CREB5: variants seen among roughly 807,000 people sequenced by gnomAD.
CREB5 encodes cyclic AMP-responsive element-binding protein 5.
Under a neutral mutation model 57.1 loss-of-function variants are expected in CREB5, and 19 were observed. That is an observed-to-expected ratio of 0.33 (90% CI 0.23 to 0.49). The LOEUF (loss-of-function observed/expected upper bound fraction) is 0.49. Among genes scored for constraint, CREB5 ranks in the 20% least tolerant of loss-of-function variants. The pLI is 0.99. For missense variants in CREB5, 579 were observed against 671.6 expected (o/e 0.86, Z 1.52); for synonymous variants, 238 against 238.3 (o/e 1.00, Z 0.01).
At position 28,590,268 on chromosome 7, in the gene CREB5, G is replaced by C. The variant is rs542369101; in HGVS notation, c.464+19731G>C. 1.9e-4 allele frequency among the ~76,000 whole-genome samples: 29 copies of C among 152,062 alleles called. 1 individual carries two copies. In the South Asian group the frequency reaches 2.1e-3, roughly 11 times the overall value. The stretch of plus-strand genomic sequence containing the variant: ...GCACTATTCACAACAGCAAAGACTT[G>C]GAACCAACCCAAATGTCCAACAATC... On this transcript the variant is annotated intron_variant, in intron 5 of 10. Coordinates refer to ENST00000357727, the MANE Select transcript of CREB5 (RefSeq NM_182898.4).
intron 1 of CREB5, among the ~76,000 whole-genome samples, chr7:28,477,106 T>C (rs1415937645): frequency 1.3e-5 from 2 of 152,234 alleles, no homozygotes; most frequent in Non-Finnish European, 2.9e-5. Context: ...CCTTGGTTTC[T>C]GATTCTGCCC....
chr7:28,731,215 GC>G (rs1803609399), intron 7 of CREB5, among the ~76,000 whole-genome samples: 1 of 152,118 alleles, frequency 6.6e-6, no homozygotes, highest in Non-Finnish European at 1.5e-5. Context: ...TTGCCACTTT[GC>G]CCATTTAAAC....
At chr7:28,550,149 C>T (rs1246671663) in intron 4 of CREB5, among the ~76,000 whole-genome samples, 1 of 152,006 alleles carries the variant, frequency 6.6e-6, no homozygotes, top group Non-Finnish European at 1.5e-5. Flanking sequence ...CTCTCTTCCT[C>T]CTCCTCTTCT....
intron 7 of CREB5, among the ~76,000 whole-genome samples, chr7:28,785,842 G>A (rs1211250267): frequency 1.3e-5 from 2 of 152,156 alleles, no homozygotes; most frequent in African/African-American, 4.8e-5. Flanking sequence ...AACTGTAAAT[G>A]CCTGCCCTGA....
At chr7:28,635,822 G>T (rs930576374) in intron 5 of CREB5, among the ~76,000 whole-genome samples, 6 of 152,134 alleles carry the variant, frequency 3.9e-5, no homozygotes, top group African/African-American at 7.2e-5. Context: ...ATTGGCATAT[G>T]CCAGTTGATA....
intron 1 of CREB5, among the ~76,000 whole-genome samples, chr7:28,317,942 G>T (rs1785412914): frequency 6.6e-6 from 1 of 152,162 alleles, no homozygotes; most frequent in African/African-American, 2.4e-5. Context: ...AGCAGAGAAA[G>T]ATGGCTCTTG....
intron 1 of CREB5, among the ~76,000 whole-genome samples, chr7:28,312,485 A>C (rs970375712): frequency 6.6e-6 from 1 of 152,150 alleles, no homozygotes; most frequent in Non-Finnish European, 1.5e-5. Context: ...GACCATGGAC[A>C]TGCAGAAAGT....
At chr7:28,474,140 G>A (rs1790954925) in intron 1 of CREB5, among the ~76,000 whole-genome samples, 1 of 152,184 alleles carries the variant, frequency 6.6e-6, no homozygotes, top group African/African-American at 2.4e-5. Flanking sequence ...GTGGAGAGGG[G>A]AAGTTTTCTC....
intron 3 of CREB5, among the ~76,000 whole-genome samples, chr7:28,497,113 TG>T (rs571410036): frequency 1.3e-4 from 20 of 151,834 alleles, no homozygotes; most frequent in African/African-American, 4.6e-4. Context: ...GGTAAAGGAG[TG>T]GGAGGTGAGT....
intron 4 of CREB5, among the ~76,000 whole-genome samples, chr7:28,560,955 T>TGTGCGC (rs1795212076): frequency 2.7e-4 from 6 of 22,148 alleles, no homozygotes; most frequent in Non-Finnish European, 3.6e-4. Context: ...TGTGTGCGTG[T>TGTGCGC]GTGTGCGTGT....
chr7:28,655,348 C>G (rs957873552), intron 5 of CREB5, among the ~76,000 whole-genome samples: 1 of 152,144 alleles, frequency 6.6e-6, no homozygotes, highest in Non-Finnish European at 1.5e-5. Flanking sequence ...GGCTCATGCC[C>G]ATAATCCTAG....
chr7:28,758,251 G>T (rs2128767905), intron 7 of CREB5, among the ~76,000 whole-genome samples: 1 of 152,288 alleles, frequency 6.6e-6, no homozygotes, highest in African/African-American at 2.4e-5. Context: ...GTCCTTTCCT[G>T]CCTCTCAGGA....
At chr7:28,673,783 C>T (rs1361665287) in intron 5 of CREB5, among the ~76,000 whole-genome samples, 1 of 150,976 alleles carries the variant, frequency 6.6e-6, no homozygotes, top group African/African-American at 2.4e-5. Context: ...AAGTGATCCT[C>T]CCTACTCAGC....
intron 7 of CREB5, among the ~76,000 whole-genome samples, chr7:28,746,307 G>T (rs571354079): frequency 6.6e-6 from 1 of 152,164 alleles, no homozygotes; most frequent in Admixed American, 6.5e-5. Flanking sequence ...AAAGCAACAA[G>T]AAAAGTTGTA....
In CREB5 at chr7:28,560,929, CGTGTGTGCGTGCGT is replaced by C. The variant is rs1795188957; in HGVS notation, c.292-9424_292-9411del. On this transcript the variant is annotated intron_variant, in intron 4 of 10. Transcript: ENST00000357727. The stretch of plus-strand genomic sequence containing the variant: ...GCGTGCGTGTGCGTGTGTGCGCGTG[CGTGTGTGCGTGCGT>C]GTGTGTGCGTGTGTGTGCGTGTGTG... Among the ~76,000 whole-genome samples, 2 of 30,424 alleles carry C rather than the reference CGTGTGTGCGTGCGT, an allele frequency of 6.6e-5. 1 individual carries two copies. Among genetic ancestry groups the C allele is most frequent in the Non-Finnish European group, 1.2e-4 (2 of 17,066 alleles). 20.0% of individuals were successfully genotyped at this position (30,424 alleles called of 152,430 possible).
At chr7:28,700,479 G>A (rs751733031) in intron 5 of CREB5, among the ~76,000 whole-genome samples, 4 of 152,158 alleles carry the variant, frequency 2.6e-5, no homozygotes, top group Non-Finnish European at 5.9e-5. Context: ...CACAGTTCCC[G>A]AGATACAGCA....
At chr7:28,651,877 G>T (rs1799141672) in intron 5 of CREB5, among the ~76,000 whole-genome samples, 1 of 152,190 alleles carries the variant, frequency 6.6e-6, no homozygotes, top group Non-Finnish European at 1.5e-5. Context: ...TAGCATGGTA[G>T]AGGAAGCACC....
intron 5 of CREB5, among the ~76,000 whole-genome samples, chr7:28,682,684 G>GA (rs903435980): frequency 1.5e-5 from 2 of 135,750 alleles, no homozygotes; most frequent in African/African-American, 5.2e-5. Flanking sequence ...CCTAAAAGTG[G>GA]GGGGGGGGGG....
At chr7:28,592,108 TGAACC>T (rs1424052125) in intron 5 of CREB5, among the ~76,000 whole-genome samples, 2 of 152,222 alleles carry the variant, frequency 1.3e-5, no homozygotes, top group Non-Finnish European at 2.9e-5. Flanking sequence ...CAGAGACCTC[TGAACC>T]CAATTAAAGT....
Sources: allele counts gnomAD v4.1 joint callset (sites outside exome capture counted in the v4.1 genomes callset), GRCh38; gene constraint gnomAD v4.1.1; transcripts MANE v1.5; gene names NCBI Gene and HGNC (gene_info 2026-07-23, HGNC 2026-07-21).